The following ATP2C1 variants were observed in gnomAD, a reference collection of about 807,000 sequenced individuals.
ATP2C1 encodes calcium-transporting ATPase type 2C member 1.
In ATP2C1, 31 loss-of-function variants were observed where a neutral mutation model predicts 120.5. The observed-to-expected ratio is 0.26, with a 90% CI of 0.19 to 0.35. ATP2C1 has a LOEUF of 0.35. Among genes scored for constraint, ATP2C1 ranks in the 10% least tolerant of loss-of-function variants. ATP2C1 has a pLI of 1.00. For missense variants in ATP2C1, 731 were observed against 1,107.5 expected (o/e 0.66, Z 4.83); for synonymous variants, 351 against 358.7 (o/e 0.98, Z 0.24).
At chr3:130,968,610 C>T (rs1158644707) in intron 16 of ATP2C1, among the ~76,000 whole-genome samples, 2 of 152,090 alleles carry the variant, frequency 1.3e-5, no homozygotes, top group Non-Finnish European at 1.5e-5. Context: ...CGTATTTGCA[C>T]GACCAGGAGG....
rs748558371 is a variant in ATP2C1, at chr3:130,930,409, T to C, written c.7-7T>C. The C allele has an allele frequency of 1.9e-6, 3 of 1,567,472 alleles. No individual in the cohort carries two copies. Among genetic ancestry groups the C allele is most frequent in the Non-Finnish European group, 2.6e-6 (3 of 1,137,796 alleles). ...TCAAATATTTTTTCTTTGGTTTTACTTCCTAGGTTGCACGTTTTCAAAAAA... is the reference window on the plus strand; with the variant it reads ...TCAAATATTTTTTCTTTGGTTTTACCTCCTAGGTTGCACGTTTTCAAAAAA... On this transcript the variant is annotated splice_polypyrimidine_tract_variant and splice_region_variant and intron_variant, in intron 2 of 27. Coordinates refer to ENST00000510168, the MANE Select transcript of ATP2C1 (RefSeq NM_001378687.1).
At position 130,980,628 on chromosome 3, in the gene ATP2C1, A is replaced by G; in HGVS notation, c.1788A>G (p.Gly596=). The G allele has an allele frequency of 6.2e-7, 1 of 1,613,412 alleles. No homozygotes were observed. Among genetic ancestry groups the G allele is most frequent in the Non-Finnish European group, 8.5e-7 (1 of 1,179,510 alleles). ...LYSKTSQSVS[G]EEIDAMDVQQ... ...CCAAAACTTCCCAGTCAGTCTCAGG[A>G]GAAGAAATAGATGCAATGGATGTTC... The change falls in exon 20 of 28, where the codon GGA becomes GGG. Residue 596 remains glycine (G), a synonymous_variant. Coordinates refer to ENST00000510168, the MANE Select transcript of ATP2C1 (RefSeq NM_001378687.1).
At chr3:130,984,936 A>G (rs2061929814) in intron 20 of ATP2C1, among the ~76,000 whole-genome samples, 1 of 152,194 alleles carries the variant, frequency 6.6e-6, no homozygotes, top group South Asian at 2.1e-4. Context: ...ATAACATAGG[A>G]CTGTTATGAG....
At chr3:130,997,438 A>G (rs962242668) in intron 24 of ATP2C1, among the ~76,000 whole-genome samples, 168 bp from the exon 25 acceptor site, 3 of 152,216 alleles carry the variant, frequency 2.0e-5, no homozygotes, top group Non-Finnish European at 4.4e-5. Flanking sequence ...AAAAAGTGAC[A>G]AAATCAGTGG....
intron 1 of ATP2C1, among the ~76,000 whole-genome samples, chr3:130,887,460 G>T (rs1004933513): frequency 1.3e-5 from 2 of 152,106 alleles, no homozygotes; most frequent in African/African-American, 4.8e-5. Flanking sequence ...ATGGTGTATG[G>T]GAGCTAGGGA....
At chr3:130,963,719 A>G in intron 12 of ATP2C1, 1 of 459,854 alleles carries the variant, frequency 2.2e-6, no homozygotes, top group Non-Finnish European at 4.0e-6. Context: ...CACAAGTAAG[A>G]GATGGTGAAG....
intron 27 of ATP2C1, among the ~76,000 whole-genome samples, chr3:131,000,376 T>C (rs762288874): frequency 2.6e-5 from 4 of 152,214 alleles, no homozygotes; most frequent in Non-Finnish European, 4.4e-5. Context: ...CATATTCACA[T>C]TTCTTCCTCT....
chr3:130,982,487 C>T (rs1340411537), intron 20 of ATP2C1, among the ~76,000 whole-genome samples: 2 of 152,108 alleles, frequency 1.3e-5, no homozygotes, highest in African/African-American at 4.8e-5. Context: ...TAGGAAGTGC[C>T]CCATAAGAGG....
At chr3:130,908,853 T>C (rs1333157668) in intron 2 of ATP2C1, among the ~76,000 whole-genome samples, 4 of 152,112 alleles carry the variant, frequency 2.6e-5, no homozygotes, top group African/African-American at 9.7e-5. Flanking sequence ...GTGTGGAAAA[T>C]GGATTAGAAT....
intron 1 of ATP2C1, among the ~76,000 whole-genome samples, chr3:130,880,016 G>GAA (rs2068732491): frequency 6.6e-6 from 1 of 152,186 alleles, no homozygotes; most frequent in Admixed American, 6.5e-5. Context: ...CCCCTATTTG[G>GAA]TGTGGTGGTG....
At chr3:131,004,343 G>C (rs1287972065), downstream of ATP2C1, among the ~76,000 whole-genome samples, 2 of 152,204 alleles carry the variant, frequency 1.3e-5, no homozygotes, top group African/African-American at 2.4e-5. Flanking sequence ...AGATCATTCT[G>C]ATGGTTAAGT....
chr3:130,918,202 G>T, intron 2 of ATP2C1: 2 of 1,246,512 alleles, frequency 1.6e-6, no homozygotes, highest in South Asian at 1.2e-5. Context: ...TGTGATGCTT[G>T]GTTCTGGGTT....
intron 8 of ATP2C1, among the ~76,000 whole-genome samples, chr3:130,949,595 G>A (rs941607698): frequency 4.6e-5 from 7 of 152,086 alleles, no homozygotes; most frequent in South Asian, 4.1e-4. Flanking sequence ...TGGTTGTACC[G>A]AACATTTTCA....
chr3:130,930,064 A>G, intron 2 of ATP2C1: 1 of 356,250 alleles, frequency 2.8e-6, no homozygotes, highest in South Asian at 2.2e-5. Flanking sequence ...TGTTAAACGT[A>G]ATGAGTTTAG....
intron 1 of ATP2C1, among the ~76,000 whole-genome samples, chr3:130,876,293 A>G (rs187061318): frequency 2.4e-4 from 36 of 152,128 alleles, no homozygotes; most frequent in African/African-American, 8.4e-4. Context: ...TATTGGGTTC[A>G]TTTTTATATA....
intron 1 of ATP2C1, among the ~76,000 whole-genome samples, chr3:130,864,666 C>T (rs1176966930): frequency 6.6e-6 from 1 of 152,170 alleles, no homozygotes; most frequent in Non-Finnish European, 1.5e-5. Flanking sequence ...CCAGCCATGG[C>T]TGAAAGGGGC....
intron 1 of ATP2C1, among the ~76,000 whole-genome samples, chr3:130,884,040 C>T (rs896494288): frequency 7.5e-5 from 11 of 147,482 alleles, no homozygotes; most frequent in African/African-American, 2.5e-4. Flanking sequence ...CTCTCGGGTT[C>T]AAGTAATTCT....
intron 20 of ATP2C1, among the ~76,000 whole-genome samples, chr3:130,982,836 G>A (rs72985773): frequency 6.6e-6 from 1 of 152,060 alleles, no homozygotes; most frequent in Non-Finnish European, 1.5e-5. Context: ...AAAAGTAAGA[G>A]CTACAATAGA....
intron 13 of ATP2C1, 65 bp from the exon 14 acceptor site, chr3:130,964,882 GT>G: frequency 1.7e-6 from 2 of 1,196,790 alleles, no homozygotes; most frequent in Admixed American, 1.8e-5. Context: ...TCTTTGATTT[GT>G]TTTTTAAGTG....
Sources: allele counts gnomAD v4.1 joint callset (sites outside exome capture counted in the v4.1 genomes callset), GRCh38; gene constraint gnomAD v4.1.1; transcripts MANE v1.5; gene names NCBI Gene and HGNC (gene_info 2026-07-23, HGNC 2026-07-21).